Variants in SGCZ observed in about 807,000 individuals in gnomAD.
SGCZ encodes the protein sarcoglycan zeta.
A neutral mutation model predicts 41.3 loss-of-function variants in SGCZ; 40 were observed. The observed-to-expected ratio is 0.97, with a 90% confidence interval of 0.75 to 1.26. The LOEUF (loss-of-function observed/expected upper bound fraction) is 1.26. Among genes scored for constraint, SGCZ ranks in the 50% most tolerant of loss-of-function variants. The pLI is 0.00. For missense variants in SGCZ, 552 were observed against 369.8 expected, an observed-to-expected ratio of 1.49 and a Z score of -4.04; for synonymous variants, 206 against 137.5, an observed-to-expected ratio of 1.50 and a Z score of -3.49.
At chr8:14,102,171 C>T (rs1045964633) in intron 7 of SGCZ, among the ~76,000 whole-genome samples, 1 of 150,124 alleles carries the variant, frequency 6.7e-6, no homozygotes, top group Non-Finnish European at 1.5e-5. Flanking sequence ...ATCTCCTGAC[C>T]TCGTGATCTG....
chr8:15,168,922 G>GT (rs900102914), intron 1 of SGCZ, among the ~76,000 whole-genome samples: 14 of 152,182 alleles, frequency 9.2e-5, no homozygotes, highest in South Asian at 8.3e-4. Flanking sequence ...AAAGGCTGAA[G>GT]TTTTTTTGTC....
chr8:15,194,419 C>T (rs2168128), intron 1 of SGCZ, among the ~76,000 whole-genome samples: 57,675 of 152,030 alleles, frequency 0.38, 12,290 homozygotes, highest in Non-Finnish European at 0.46. Flanking sequence ...AATATTCCCC[C>T]ATACACACAT....
chr8:14,963,955 C>A (rs1801049572), intron 1 of SGCZ, among the ~76,000 whole-genome samples: 1 of 151,990 alleles, frequency 6.6e-6, no homozygotes, highest in African/African-American at 2.4e-5. Context: ...TTTAATATAG[C>A]CCTCAAATGA....
intron 1 of SGCZ, among the ~76,000 whole-genome samples, chr8:14,678,329 A>T (rs555460188): frequency 6.6e-6 from 1 of 152,306 alleles, no homozygotes; most frequent in Admixed American, 6.5e-5. Flanking sequence ...TATACAGAGA[A>T]CTCTTAAAAT....
At chr8:14,615,139 T>C (rs1487856445) in intron 1 of SGCZ, among the ~76,000 whole-genome samples, 1 of 152,212 alleles carries the variant, frequency 6.6e-6, no homozygotes, top group African/African-American at 2.4e-5. Flanking sequence ...ATGACTGTAC[T>C]ACATTTGGAC....
rs1802173640 is a variant in SGCZ, at chr8:15,237,501, G to A, written c.39+84C>T. 10 of 1,489,716 alleles carry A rather than the reference G, an allele frequency of 6.7e-6. No homozygotes were observed. The Admixed American group carries it at 9.7e-5, about 14-fold the overall frequency. 92.3% of individuals were successfully genotyped at this position (1,489,716 alleles called of 1,614,324 possible). A position where few individuals can be genotyped will look rare whatever the true frequency, so the allele number is the denominator to read the frequency against. On this transcript the variant is annotated intron_variant, in intron 1 of 7. Coordinates refer to ENST00000382080, the MANE Select transcript of SGCZ (RefSeq NM_139167.4). ...CCCGCGGGACCACCAACTACTCCGC[G>A]CCGCTGGAGGAGCCGCGGGAAGGAG...
At chr8:14,637,346 G>T (rs374759989) in intron 1 of SGCZ, among the ~76,000 whole-genome samples, 1 of 150,522 alleles carries the variant, frequency 6.6e-6, no homozygotes, top group Non-Finnish European at 1.5e-5. Flanking sequence ...TTTTAGACTC[G>T]GAGTACACGT....
chr8:14,282,282 G>C (rs770664215), intron 3 of SGCZ, among the ~76,000 whole-genome samples: 4 of 151,970 alleles, frequency 2.6e-5, no homozygotes, highest in Non-Finnish European at 5.9e-5. Context: ...GTTTCTTAGA[G>C]TCAGGGGTAG....
chr8:14,530,389 T>A (rs552154496), intron 2 of SGCZ, among the ~76,000 whole-genome samples: 1 of 152,224 alleles, frequency 6.6e-6, no homozygotes, highest in Non-Finnish European at 1.5e-5. Context: ...TATTTTTCTG[T>A]CATGAAGACT....
chr8:14,842,774 A>G (rs1036248904), intron 1 of SGCZ, among the ~76,000 whole-genome samples: 1 of 152,230 alleles, frequency 6.6e-6, no homozygotes, highest in African/African-American at 2.4e-5. Flanking sequence ...GGATTTTAAA[A>G]TGCACAGACT....
At chr8:14,098,636 G>T (rs1319431631) in intron 7 of SGCZ, among the ~76,000 whole-genome samples, 1 of 152,172 alleles carries the variant, frequency 6.6e-6, no homozygotes, top group Non-Finnish European at 1.5e-5. Context: ...AAGTCTACAG[G>T]CTGGGAGTTG....
chr8:14,562,151 G>A (rs2117208971), intron 1 of SGCZ, among the ~76,000 whole-genome samples: 1 of 152,126 alleles, frequency 6.6e-6, no homozygotes, highest in Admixed American at 6.5e-5. Flanking sequence ...TCACGTAAGG[G>A]GAAAATAGTT....
rs189281756 is a variant in SGCZ, at chr8:14,085,683, C to A, written c.*4760G>T. 6.6e-6 allele frequency among the ~76,000 whole-genome samples: 1 copy of A among 151,798 alleles called. No homozygotes were observed. The highest frequency in any genetic ancestry group is 1.9e-4 in the East Asian group (1 of 5,140). On this transcript the variant is annotated 3_prime_UTR_variant, in exon 8 of 8. Coordinates refer to ENST00000382080, the MANE Select transcript of SGCZ (RefSeq NM_139167.4). Reference sequence around the variant, plus strand: ...TGCTGGGCCCATTTTGGGATACGGTCTTTGCATATAGGTTTTATGAATACC... The same window carrying A: ...TGCTGGGCCCATTTTGGGATACGGTATTTGCATATAGGTTTTATGAATACC...
chr8:14,125,779 T>C (rs1802835473), intron 5 of SGCZ, among the ~76,000 whole-genome samples: 2 of 152,036 alleles, frequency 1.3e-5, no homozygotes, highest in African/African-American at 4.8e-5. Context: ...AACAGACATA[T>C]AGACCAATGG....
At chr8:15,015,776 A>C (rs1281965474) in intron 1 of SGCZ, among the ~76,000 whole-genome samples, 1 of 147,322 alleles carries the variant, frequency 6.8e-6, no homozygotes, top group Non-Finnish European at 1.5e-5. Context: ...TGTGTAGTTT[A>C]AGCAATAAGA....
chr8:14,729,060 A>G (rs1319422121), intron 1 of SGCZ, among the ~76,000 whole-genome samples: 1 of 152,212 alleles, frequency 6.6e-6, no homozygotes, highest in East Asian at 1.9e-4. Flanking sequence ...GAAGGAATCC[A>G]GTATTTAAAA....
At chr8:15,177,330 C>T (rs892138625) in intron 1 of SGCZ, among the ~76,000 whole-genome samples, 3 of 152,150 alleles carry the variant, frequency 2.0e-5, no homozygotes, top group East Asian at 1.9e-4. Context: ...TGATGGATAA[C>T]GAAAGAGGAA....
chr8:14,407,603 G>C (rs552940749), intron 2 of SGCZ, among the ~76,000 whole-genome samples: 1 of 152,196 alleles, frequency 6.6e-6, no homozygotes, highest in Admixed American at 6.6e-5. Context: ...ATAGGTATAT[G>C]ATATAAAAAT....
intron 1 of SGCZ, among the ~76,000 whole-genome samples, chr8:14,996,103 C>T (rs966872652): frequency 1.3e-5 from 2 of 152,024 alleles, no homozygotes; most frequent in Admixed American, 6.6e-5. Context: ...CGGGGTTTCA[C>T]CATGTTAGCC....
Sources: allele counts gnomAD v4.1 joint callset (sites outside exome capture counted in the v4.1 genomes callset), GRCh38; gene constraint gnomAD v4.1.1; transcripts MANE v1.5; gene names NCBI Gene and HGNC (gene_info 2026-07-23, HGNC 2026-07-21).